Variants in IQSEC1 observed in about 807,000 individuals in gnomAD.
IQSEC1 encodes the protein IQ motif and Sec7 domain ArfGEF 1.
A neutral mutation model predicts 91.0 loss-of-function variants in IQSEC1; 31 were observed. The ratio of observed to expected loss-of-function variants is 0.34; its 90% CI spans 0.26 to 0.46. IQSEC1 has a LOEUF of 0.46. Ranked by LOEUF, IQSEC1 falls within the 20% of genes least tolerant of loss-of-function variation. The pLI, the probability that IQSEC1 is intolerant of heterozygous loss-of-function variation, is 1.00. For synonymous variants in IQSEC1, 699 were observed against 662.6 expected (o/e 1.05, Z -0.84); for missense variants, 1,388 against 1,575.6 (o/e 0.88, Z 2.02).
chr3:12,953,229 C>T lies in IQSEC1; in HGVS notation c.24-11364G>A, dbSNP rs530365357. On this transcript the variant is annotated intron_variant, in intron 1 of 13. Transcript: ENST00000613206. Reference sequence around the variant, plus strand: ...GTCTCCATGCCTCTTGGTCTCCGTGCGCCGTAGACAGACCTGTCCAATGGC... The same window carrying T: ...GTCTCCATGCCTCTTGGTCTCCGTGTGCCGTAGACAGACCTGTCCAATGGC... 6.2e-4 allele frequency among the ~76,000 whole-genome samples: 94 copies of T among 152,336 alleles called. No homozygotes were observed. The Middle Eastern group carries it at 0.014, about 22-fold the overall frequency.
chr3:13,263,407 G>A (rs1034339820), intron 1 of IQSEC1, among the ~76,000 whole-genome samples: 16 of 128,400 alleles, frequency 1.2e-4, no homozygotes, highest in Admixed American at 1.2e-3. Context: ...GGGGAAAAAA[G>A]TACCTGACAC....
At position 13,035,388 on chromosome 3, in the gene IQSEC1, G is replaced by A. The variant is rs1703996048; in HGVS notation, c.23+37604C>T. On this transcript the variant is annotated intron_variant, in intron 1 of 13. Transcript: ENST00000613206. ...GACACTGTCTTCCCTACGTGGACTT[G>A]AGAAGTCCTCCTCAGCCCTCAAGAC... Among the ~76,000 whole-genome samples the A allele has an allele frequency of 6.6e-5, 10 of 152,314 alleles. No individual in the cohort carries two copies. In the South Asian group the frequency reaches 2.1e-3, roughly 32 times the overall value.
At chr3:12,934,490 G>C (rs187520777) in intron 3 of IQSEC1, among the ~76,000 whole-genome samples, 1 of 152,174 alleles carries the variant, frequency 6.6e-6, no homozygotes, top group Non-Finnish European at 1.5e-5. Context: ...GTCCCACTGC[G>C]CCATTCATCA....
intron 1 of IQSEC1, among the ~76,000 whole-genome samples, chr3:13,167,023 G>A (rs1177310755): frequency 1.3e-5 from 2 of 152,238 alleles, no homozygotes; most frequent in Non-Finnish European, 2.9e-5. Flanking sequence ...GTGTGTGCAT[G>A]TGCAAACATG....
intron 1 of IQSEC1, among the ~76,000 whole-genome samples, chr3:13,231,929 C>A (rs1226317662): frequency 6.6e-6 from 1 of 152,256 alleles, no homozygotes; most frequent in Non-Finnish European, 1.5e-5. Flanking sequence ...AATGCACTTG[C>A]AGCAGTCACA....
At chr3:13,124,913 A>ACCACCT (rs1055055830) in intron 2 of IQSEC1, among the ~76,000 whole-genome samples, 11 of 151,842 alleles carry the variant, frequency 7.2e-5, no homozygotes, top group Admixed American at 3.9e-4. Flanking sequence ...ACCCGCCCTC[A>ACCACCT]CCACCTCCGT....
intron 2 of IQSEC1, among the ~76,000 whole-genome samples, chr3:13,107,961 G>C (rs139094410): frequency 6.6e-6 from 1 of 152,350 alleles, no homozygotes; most frequent in East Asian, 1.9e-4. Context: ...AGGGCGCCGG[G>C]GAGCAGCCCC....
intron 1 of IQSEC1, among the ~76,000 whole-genome samples, chr3:13,201,061 C>T (rs1487253901): frequency 6.6e-6 from 1 of 152,220 alleles, no homozygotes; most frequent in African/African-American, 2.4e-5. Context: ...CTTTTGGGGG[C>T]ACTGCCTGTG....
chr3:13,062,485 G>A (rs1705098594), intron 1 of IQSEC1, among the ~76,000 whole-genome samples: 1 of 152,146 alleles, frequency 6.6e-6, no homozygotes, highest in Non-Finnish European at 1.5e-5. Flanking sequence ...TTCCATCTGA[G>A]CAGCTCCTTG....
chr3:12,926,444 C>G (rs1697144600), intron 3 of IQSEC1, among the ~76,000 whole-genome samples: 1 of 152,364 alleles, frequency 6.6e-6, no homozygotes, highest in Admixed American at 6.5e-5. Flanking sequence ...GCCATCAGGC[C>G]AGACTGGCTC....
At chr3:13,098,352 G>A (rs1705999621) in intron 2 of IQSEC1, among the ~76,000 whole-genome samples, 1 of 152,182 alleles carries the variant, frequency 6.6e-6, no homozygotes, top group Admixed American at 6.5e-5. Context: ...ACTTAGCATT[G>A]GGAAGGTACC....
intron 1 of IQSEC1, among the ~76,000 whole-genome samples, chr3:13,009,679 G>A (rs1200376157): frequency 6.6e-6 from 1 of 151,872 alleles, no homozygotes; most frequent in Non-Finnish European, 1.5e-5. Flanking sequence ...GTGTGTGTGT[G>A]TGTGTGTGTA....
chr3:13,108,099 G>A (rs932960707), intron 2 of IQSEC1, among the ~76,000 whole-genome samples: 3 of 152,208 alleles, frequency 2.0e-5, no homozygotes, highest in East Asian at 1.9e-4. Flanking sequence ...ACCTTTCTGC[G>A]AATTTCCCCA....
In IQSEC1 at chr3:13,023,541, G is replaced by A. The variant is rs369426073; in HGVS notation, c.23+49451C>T. Among the ~76,000 whole-genome samples the A allele has an allele frequency of 1.6e-4, 25 of 152,268 alleles. No homozygotes were observed. The East Asian group carries it at 4.4e-3, about 27-fold the overall frequency. ...CAGCAGAGCTTCCATTTCACCGGGG[G>A]AAACTGAGGCTCAGAGAGGGCCATC... On this transcript the variant is annotated intron_variant, in intron 1 of 13. Coordinates refer to ENST00000613206, the MANE Select transcript of IQSEC1 (RefSeq NM_001134382.3).
intron 1 of IQSEC1, among the ~76,000 whole-genome samples, chr3:13,203,487 C>T (rs1005608444): frequency 9.9e-5 from 15 of 152,208 alleles, no homozygotes; most frequent in African/African-American, 3.6e-4. Flanking sequence ...TCCAGAGACT[C>T]CCAAGCCTGT....
intron 13 of IQSEC1, 54 bp downstream of exon 13, chr3:12,902,719 G>T: frequency 9.8e-7 from 1 of 1,019,710 alleles, no homozygotes; most frequent in Non-Finnish European, 1.6e-6. Context: ...ATGAACTGAG[G>T]ACTGGGGAAG....
chr3:13,061,364 A>G (rs1559243581), intron 1 of IQSEC1, among the ~76,000 whole-genome samples: 1 of 152,212 alleles, frequency 6.6e-6, no homozygotes, highest in African/African-American at 2.4e-5. Flanking sequence ...TGTAACATAC[A>G]ATGCCCTAGG....
Position 12,994,337 on chromosome 3 carries a change from G to A in IQSEC1, c.24-52472C>T, listed in dbSNP as rs1318573980. 6.6e-6 allele frequency among the ~76,000 whole-genome samples: 1 copy of A among 151,848 alleles called. No homozygotes were observed. Among genetic ancestry groups the A allele is most frequent in the Non-Finnish European group, 1.5e-5 (1 of 67,900 alleles). On this transcript the variant is annotated intron_variant, in intron 1 of 13. Coordinates refer to ENST00000613206, the MANE Select transcript of IQSEC1 (RefSeq NM_001134382.3). This position sits in a 1 kb window ranked among gnomAD's most constrained non-coding sequence, Gnocchi z 4.5. Reference sequence around the variant, plus strand: ...CTCAGTTTCCCCCCTCGGAAGGTGTGTGTGCGTGCGCGGCTGTGCTAGGGG... The same window carrying A: ...CTCAGTTTCCCCCCTCGGAAGGTGTATGTGCGTGCGCGGCTGTGCTAGGGG...
intron 2 of IQSEC1, among the ~76,000 whole-genome samples, chr3:13,145,928 A>G (rs1706888244): frequency 6.6e-6 from 1 of 152,000 alleles, no homozygotes; most frequent in African/African-American, 2.4e-5. Context: ...ACAGAGAGCC[A>G]TGGTATGGGT....
Sources: gnomAD v4.1 joint callset for allele counts (sites outside exome capture counted in the v4.1 genomes callset) on GRCh38, gnomAD v4.1.1 for gene constraint, Gnocchi (gnomAD v3.1) non-coding constraint, MANE v1.5 for transcripts, NCBI Gene and HGNC (gene_info 2026-07-23, HGNC 2026-07-21) for gene names.